Variants in AP3B1 observed in about 807,000 individuals in gnomAD.
AP3B1 encodes adaptor related protein complex 3 subunit beta 1, also known as AP-3 complex subunit beta-1.
Under a neutral mutation model 132.5 loss-of-function variants are expected in AP3B1, and 61 were observed. The observed-to-expected ratio is 0.46, with a 90% CI of 0.37 to 0.57. The LOEUF (loss-of-function observed/expected upper bound fraction) is 0.57. Ranked by LOEUF, AP3B1 falls within the 20% of genes least tolerant of loss-of-function variation. The pLI, the probability that AP3B1 is intolerant of heterozygous loss-of-function variation, is 0.00. For synonymous variants in AP3B1, 388 were observed against 438.3 expected, an observed-to-expected ratio of 0.89 and a Z score of 1.43; for missense variants, 1,120 against 1,289.4, an observed-to-expected ratio of 0.87 and a Z score of 2.01.
At chr5:78,128,328 A>G (rs867812842) in intron 16 of AP3B1, among the ~76,000 whole-genome samples, 168 bp from the exon 17 acceptor site, 5 of 152,200 alleles carry the variant, frequency 3.3e-5, no homozygotes, top group Admixed American at 6.5e-5. Context: ...TCCATAGATT[A>G]CAATAATCTC....
chr5:78,283,667 CCTAA>C (rs546855308), intron 1 of AP3B1, among the ~76,000 whole-genome samples: 116 of 152,186 alleles, frequency 7.6e-4, no homozygotes, highest in Admixed American at 1.6e-3. Flanking sequence ...TCAACGAATG[CCTAA>C]CTATCAATTC....
chr5:78,144,032 C>G (rs373787379), intron 14 of AP3B1, among the ~76,000 whole-genome samples: 1 of 151,990 alleles, frequency 6.6e-6, no homozygotes, highest in African/African-American at 2.4e-5. Flanking sequence ...AAATTAGTCA[C>G]TTTTTGTTCC....
At chr5:78,273,392 A>T (rs772496474) in intron 1 of AP3B1, among the ~76,000 whole-genome samples, 2 of 152,034 alleles carry the variant, frequency 1.3e-5, no homozygotes, top group Admixed American at 6.6e-5. Flanking sequence ...CAGAGTAAGA[A>T]CCTATCTCTC....
At chr5:78,208,778 A>T (rs1401378042) in intron 7 of AP3B1, among the ~76,000 whole-genome samples, 1 of 152,156 alleles carries the variant, frequency 6.6e-6, no homozygotes, top group Non-Finnish European at 1.5e-5. Context: ...GGAATGCTTC[A>T]TATAGTGACA....
intron 24 of AP3B1, among the ~76,000 whole-genome samples, chr5:78,033,356 A>C (rs1222777521): frequency 6.6e-6 from 1 of 152,100 alleles, no homozygotes; most frequent in Non-Finnish European, 1.5e-5. Context: ...GATCTGCATA[A>C]AATCAATGTG....
chr5:78,218,754 G>A (rs1178121055), intron 6 of AP3B1, among the ~76,000 whole-genome samples: 1 of 152,096 alleles, frequency 6.6e-6, no homozygotes, highest in African/African-American at 2.4e-5. Flanking sequence ...AGAGTGCTGG[G>A]TCATCACAAG....
intron 20 of AP3B1, among the ~76,000 whole-genome samples, chr5:78,107,590 T>C (rs1334491111): frequency 4.6e-5 from 7 of 152,174 alleles, no homozygotes; most frequent in Non-Finnish European, 1.0e-4. Flanking sequence ...GGGAAGTGGA[T>C]GCGAGTCTTA....
chr5:78,052,725 T>G (rs947600750), intron 22 of AP3B1, among the ~76,000 whole-genome samples: 2 of 152,196 alleles, frequency 1.3e-5, no homozygotes, highest in African/African-American at 2.4e-5. Context: ...TTCTTTCTCC[T>G]CCCCAAAGAC....
chr5:78,052,562 C>T (rs531451273), intron 22 of AP3B1, among the ~76,000 whole-genome samples: 1 of 152,290 alleles, frequency 6.6e-6, no homozygotes, highest in East Asian at 1.9e-4. Context: ...TTATCTGTGG[C>T]TGCTGTTGCA....
rs894035263 is a variant in AP3B1, at chr5:78,248,530, C to G, written c.205-7594G>C. Among the ~76,000 whole-genome samples the G allele has an allele frequency of 1.3e-4, 19 of 146,868 alleles. No individual in the cohort carries two copies. In the South Asian group the frequency reaches 4.1e-3, roughly 32 times the overall value. On this transcript the variant is annotated intron_variant, in intron 2 of 26. Coordinates refer to ENST00000255194, the MANE Select transcript of AP3B1 (RefSeq NM_003664.5). ...AAAAAAAAAAAAGAAAAGAAAAATGCAGAAACATTGCAACCATATAGACTC... is the reference window on the plus strand; with the variant it reads ...AAAAAAAAAAAAGAAAAGAAAAATGGAGAAACATTGCAACCATATAGACTC...
chr5:78,177,788 T>C (rs1744210686), intron 8 of AP3B1, among the ~76,000 whole-genome samples: 3 of 151,864 alleles, frequency 2.0e-5, no homozygotes, highest in Admixed American at 2.0e-4. Flanking sequence ...AGATAATTAG[T>C]GTGATACACC....
At chr5:78,058,598 C>G (rs1490469315) in intron 22 of AP3B1, among the ~76,000 whole-genome samples, 1 of 151,988 alleles carries the variant, frequency 6.6e-6, no homozygotes. Context: ...ATCAAAGAGA[C>G]AGTACTAGGA....
chr5:78,168,226 CTTT>C (rs111663014), intron 11 of AP3B1, among the ~76,000 whole-genome samples: 4 of 127,992 alleles, frequency 3.1e-5, no homozygotes, highest in Non-Finnish European at 6.5e-5. Flanking sequence ...TTTCTTTTTT[CTTT>C]TTTTTTTTTT....
intron 24 of AP3B1, among the ~76,000 whole-genome samples, chr5:78,023,013 T>A (rs1017721937): frequency 6.6e-6 from 1 of 152,162 alleles, no homozygotes; most frequent in Non-Finnish European, 1.5e-5. Flanking sequence ...TATTCCACTA[T>A]AATATACAGC....
chr5:78,175,222 G>T (rs536188143), intron 11 of AP3B1, among the ~76,000 whole-genome samples: 2 of 152,306 alleles, frequency 1.3e-5, no homozygotes, highest in African/African-American at 4.8e-5. Context: ...CTCTGGGGCT[G>T]CACCCACTGT....
chr5:78,084,648 T>G (rs1433651634), intron 22 of AP3B1, among the ~76,000 whole-genome samples: 1 of 151,972 alleles, frequency 6.6e-6, no homozygotes, highest in African/African-American at 2.4e-5. Flanking sequence ...TCCATTTCTA[T>G]TTTACAAGTA....
In AP3B1 at chr5:78,013,707, ATATT is replaced by A. The variant is rs573760736; in HGVS notation, c.3131+1699_3131+1702del. 2.5e-3 allele frequency among the ~76,000 whole-genome samples: 380 copies of A among 152,342 alleles called. 1 individual carries two copies. Among genetic ancestry groups the A allele is most frequent in the African/African-American group, 8.5e-3 (354 of 41,570 alleles). On this transcript the variant is annotated intron_variant, in intron 26 of 26. Transcript: ENST00000255194. ...TAAAATTAAAACAGGAAAACTCAAA[ATATT>A]TATTTTCACTGAAAAGGCTTTTGTT...
intron 7 of AP3B1, among the ~76,000 whole-genome samples, chr5:78,199,336 T>C (rs1745198630): frequency 6.6e-6 from 1 of 152,170 alleles, no homozygotes; most frequent in South Asian, 2.1e-4. Flanking sequence ...TCATGAAACA[T>C]GTTGAACTTA....
intron 22 of AP3B1, among the ~76,000 whole-genome samples, chr5:78,055,344 G>C (rs1748767189): frequency 1.3e-5 from 2 of 152,190 alleles, no homozygotes; most frequent in African/African-American, 4.8e-5. Context: ...CAGAATTACA[G>C]CTGGCAGTGG....
Sources: gnomAD v4.1 joint callset for allele counts (sites outside exome capture counted in the v4.1 genomes callset) on GRCh38, gnomAD v4.1.1 for gene constraint, MANE v1.5 for transcripts, NCBI Gene and HGNC (gene_info 2026-07-23, HGNC 2026-07-21) for gene names.